SRGAP2C: variants seen among roughly 807,000 people sequenced by gnomAD.
SRGAP2C encodes the protein SLIT-ROBO Rho GTPase-activating protein 2C.
Under a neutral mutation model 25.1 loss-of-function variants are expected in SRGAP2C, and 15 were observed. The ratio of observed to expected loss-of-function variants is 0.60; its 90% confidence interval spans 0.40 to 0.92. The LOEUF (loss-of-function observed/expected upper bound fraction) is 0.92. Ranked by LOEUF, SRGAP2C falls within the 40% of genes least tolerant of loss-of-function variation. SRGAP2C has a pLI of 0.00. For synonymous variants in SRGAP2C, 44 were observed against 96.6 expected (o/e 0.46, Z 3.19); for missense variants, 144 against 264.4 (o/e 0.54, Z 3.16).
At chr1:121,282,744 G>A (rs1281790590) in intron 2 of SRGAP2C, among the ~76,000 whole-genome samples, 2 of 144,414 alleles carry the variant, frequency 1.4e-5, no homozygotes, top group Admixed American at 6.9e-5. Context: ...ATTTTTAGTA[G>A]AGACAGGGTT....
chr1:121,383,276 AC>A (rs1161728190), intron 8 of SRGAP2C, among the ~76,000 whole-genome samples: 2 of 144,912 alleles, frequency 1.4e-5, no homozygotes, highest in East Asian at 4.5e-4. Context: ...AAAACTACCA[AC>A]AGTTCAGGAT....
At chr1:121,267,376 G>A (rs1453644569) in intron 2 of SRGAP2C, among the ~76,000 whole-genome samples, 1 of 151,098 alleles carries the variant, frequency 6.6e-6, no homozygotes, top group Non-Finnish European at 1.5e-5. Flanking sequence ...ATTTTTAGTA[G>A]AGATGGGGTT....
intron 4 of SRGAP2C, among the ~76,000 whole-genome samples, chr1:121,350,624 A>G (rs116110577): frequency 0.6 from 90,280 of 151,540 alleles, 27,105 homozygotes; most frequent in East Asian, 0.8. Flanking sequence ...ATAAATGCAA[A>G]AGCCAAAACT....
intron 2 of SRGAP2C, among the ~76,000 whole-genome samples, chr1:121,206,390 G>A (rs1655109168): frequency 2.0e-5 from 3 of 152,320 alleles, no homozygotes; most frequent in Admixed American, 2.0e-4. Flanking sequence ...TATAGACAGA[G>A]GAGTAAGATC....
intron 2 of SRGAP2C, among the ~76,000 whole-genome samples, chr1:121,202,054 A>G (rs1654997066): frequency 1.3e-5 from 2 of 152,176 alleles, no homozygotes; most frequent in Non-Finnish European, 2.9e-5. Flanking sequence ...TAACCTTTAA[A>G]ATCCTTTCCA....
chr1:121,315,551 A>T, intron 3 of SRGAP2C, among the ~76,000 whole-genome samples: 1 of 151,592 alleles, frequency 6.6e-6, no homozygotes, highest in Non-Finnish European at 1.5e-5. Flanking sequence ...CTCTTATACC[A>T]CTCAGCCCTT....
intron 2 of SRGAP2C, among the ~76,000 whole-genome samples, chr1:121,270,257 A>G (rs1656909295): frequency 6.6e-6 from 1 of 151,842 alleles, no homozygotes; most frequent in South Asian, 2.1e-4. Context: ...GCTCTCTATC[A>G]GAATTTTTTA....
rs1660124805 is a variant in SRGAP2C at position 121,392,404 on chromosome 1, T to A, written c.*4549T>A. On this transcript the variant is annotated 3_prime_UTR_variant, in exon 10 of 10. Coordinates refer to ENST00000367123, the MANE Select transcript of SRGAP2C (RefSeq NM_001329984.2). ...TTTCTCTTTTTTCTTTTCTTTCAAT[T>A]TTCTCAATTACTAAGAGATGTTTAA... The A allele has an allele frequency of 1.3e-5, 2 of 152,056 alleles. No individual in the cohort carries two copies. Among genetic ancestry groups the A allele is most frequent in the South Asian group, 4.2e-4 (2 of 4,818 alleles). 9.4% of individuals were successfully genotyped at this position (152,056 alleles called of 1,614,324 possible).
At chr1:121,345,707 C>T (rs1658727346) in intron 4 of SRGAP2C, among the ~76,000 whole-genome samples, 1 of 126,736 alleles carries the variant, frequency 7.9e-6, no homozygotes, top group South Asian at 2.5e-4. Flanking sequence ...GGCTGGAGTG[C>T]AGTGCGCGAT....
intron 4 of SRGAP2C, among the ~76,000 whole-genome samples, chr1:121,329,948 T>A (rs1658398315): frequency 1.3e-5 from 2 of 151,184 alleles, no homozygotes; most frequent in Non-Finnish European, 1.5e-5. Context: ...GGAACCAGGG[T>A]TTGGGCAAAT....
chr1:121,213,044 A>T (rs1378261202), intron 2 of SRGAP2C, among the ~76,000 whole-genome samples: 9 of 129,116 alleles, frequency 7.0e-5, no homozygotes, highest in East Asian at 2.2e-4. Flanking sequence ...TAGTTTTCTA[A>T]TTTTTTTTTT....
chr1:121,255,476 A>G (rs1553332191), intron 2 of SRGAP2C, among the ~76,000 whole-genome samples: 4 of 151,346 alleles, frequency 2.6e-5, no homozygotes, highest in Admixed American at 6.6e-5. Flanking sequence ...CTGATGTCCT[A>G]GTATTTTTTC....
chr1:121,349,867 T>TGGAAAAA (rs1553345230), intron 4 of SRGAP2C, among the ~76,000 whole-genome samples: 1 of 45,436 alleles, frequency 2.2e-5, no homozygotes, highest in East Asian at 5.9e-4. Context: ...CCATTCTTAT[T>TGGAAAAA]AGGTTTCCAG....
chr1:121,268,007 T>C (rs587672165), intron 2 of SRGAP2C, among the ~76,000 whole-genome samples: 103 of 149,054 alleles, frequency 6.9e-4, no homozygotes, highest in African/African-American at 2.5e-3. Flanking sequence ...ATTCATTCAA[T>C]GTGCCTTTAT....
rs1161458989 is a variant in SRGAP2C at position 121,380,739 on chromosome 1, G to GA, written c.832-1954dup. On this transcript the variant is annotated intron_variant, in intron 7 of 9. Coordinates refer to ENST00000367123, the MANE Select transcript of SRGAP2C (RefSeq NM_001329984.2). ...TGAGGAAGGTGGATTTTACCTTGGG[G>GA]AAAAAAAATGAGAGGTATTTTAGGT... 3.0e-4 allele frequency among the ~76,000 whole-genome samples: 45 copies of GA among 148,212 alleles called. No individual in the cohort carries two copies. In the South Asian group the frequency reaches 7.2e-3, roughly 24 times the overall value.
At chr1:121,282,635 A>G (rs1657272947) in intron 2 of SRGAP2C, among the ~76,000 whole-genome samples, 2 of 151,828 alleles carry the variant, frequency 1.3e-5, no homozygotes, top group Non-Finnish European at 2.9e-5. Flanking sequence ...GCTCAGTGCA[A>G]ACTCCGCCTC....
chr1:121,266,508 G>A (rs1331271485), intron 2 of SRGAP2C, among the ~76,000 whole-genome samples: 1 of 151,448 alleles, frequency 6.6e-6, no homozygotes, highest in Non-Finnish European at 1.5e-5. Context: ...GGATAATTGG[G>A]AAAACAATAA....
chr1:121,237,649 C>T (rs1276343669), intron 2 of SRGAP2C, among the ~76,000 whole-genome samples: 1 of 152,106 alleles, frequency 6.6e-6, no homozygotes, highest in Non-Finnish European at 1.5e-5. Flanking sequence ...CTCTGGAACC[C>T]ATTACCCCTA....
chr1:121,259,197 G>A (rs1328997813), intron 2 of SRGAP2C, among the ~76,000 whole-genome samples: 1 of 150,282 alleles, frequency 6.7e-6, no homozygotes, highest in African/African-American at 2.4e-5. Context: ...CTGGCTGGGA[G>A]TGGTGGCTCT....
Sources: allele counts gnomAD v4.1 joint callset (sites outside exome capture counted in the v4.1 genomes callset), GRCh38; gene constraint gnomAD v4.1.1; transcripts MANE v1.5; gene names NCBI Gene and HGNC (gene_info 2026-07-23, HGNC 2026-07-21).